Variants in PLXNC1 observed in about 807,000 individuals in gnomAD.
PLXNC1 encodes the protein plexin C1.
PLXNC1 carries 75 observed loss-of-function variants against 178.2 expected under a neutral mutation model. The observed-to-expected ratio is 0.42, with a 90% CI of 0.35 to 0.51. PLXNC1 has a LOEUF of 0.51. Among genes scored for constraint, PLXNC1 ranks in the 20% least tolerant of loss-of-function variants. The probability of loss-of-function intolerance (pLI) is 0.02; values close to 1 mark genes in which losing one functional copy is unlikely to be tolerated. For synonymous variants in PLXNC1, 790 were observed against 779.9 expected (o/e 1.01, Z -0.22); for missense variants, 1,503 against 1,984.4 (o/e 0.76, Z 4.61).
At chr12:94,212,779 G>A (rs1168443465) in intron 5 of PLXNC1, among the ~76,000 whole-genome samples, 4 of 150,510 alleles carry the variant, frequency 2.7e-5, no homozygotes, top group African/African-American at 7.3e-5. Flanking sequence ...GAGTGCAGTG[G>A]CACGATCTTG....
chr12:94,295,412 G>C (rs1178586707), intron 24 of PLXNC1, among the ~76,000 whole-genome samples: 1 of 152,206 alleles, frequency 6.6e-6, no homozygotes, highest in African/African-American at 2.4e-5. Flanking sequence ...TGGTGTCTTT[G>C]TGTTGAAAAG....
chr12:94,260,624 A>G lies in PLXNC1; in HGVS notation c.3252-18A>G. 2 of 1,600,138 alleles carry G rather than the reference A, an allele frequency of 1.2e-6. No individual in the cohort carries two copies. Among genetic ancestry groups the G allele is most frequent in the Non-Finnish European group, 1.7e-6 (2 of 1,169,666 alleles). ...TAGGCCTGCAGCCAATGGTTCACCC[A>G]GCTCTCTTTTTCAACAGGTGTCTGT... On this transcript the variant is annotated intron_variant, in intron 19 of 30. Coordinates refer to ENST00000258526, the MANE Select transcript of PLXNC1 (RefSeq NM_005761.3). This position sits in a 1 kb window ranked among gnomAD's most constrained non-coding sequence, Gnocchi z 4.4.
intron 27 of PLXNC1, 108 bp from the exon 28 acceptor site, chr12:94,300,802 T>C (rs1315618958): frequency 7.2e-6 from 7 of 977,258 alleles, no homozygotes; most frequent in Non-Finnish European, 1.1e-5. Context: ...AGCAGAGTTG[T>C]ATACTTCAAT....
chr12:94,266,039 G>A (rs112876452), intron 21 of PLXNC1, among the ~76,000 whole-genome samples: 3 of 152,282 alleles, frequency 2.0e-5, no homozygotes, highest in African/African-American at 7.2e-5. Flanking sequence ...AAGATTCTGG[G>A]CTTCTTCACG....
intron 1 of PLXNC1, among the ~76,000 whole-genome samples, chr12:94,154,362 A>G (rs975021040): frequency 1.3e-5 from 2 of 152,212 alleles, no homozygotes; most frequent in African/African-American, 4.8e-5. Flanking sequence ...AAGGAGCCCT[A>G]CCCTATTACT....
intron 9 of PLXNC1, among the ~76,000 whole-genome samples, chr12:94,234,736 C>T (rs952331860): frequency 6.6e-6 from 1 of 152,194 alleles, no homozygotes; most frequent in Admixed American, 6.5e-5. Flanking sequence ...TTATGTTTTA[C>T]AATTAACTCC....
chr12:94,188,736 TCAGTCTTTCAGC>T (rs1231892217), intron 4 of PLXNC1, among the ~76,000 whole-genome samples: 2 of 152,308 alleles, frequency 1.3e-5, no homozygotes, highest in South Asian at 4.1e-4. Flanking sequence ...TGTGGAGTGT[TCAGTCTTTCAGC>T]AGGTGGAAGA....
At chr12:94,217,079 C>T (rs1963666757) in intron 5 of PLXNC1, among the ~76,000 whole-genome samples, 1 of 152,332 alleles carries the variant, frequency 6.6e-6, no homozygotes, top group African/African-American at 2.4e-5. Context: ...AGGTCCACTC[C>T]AACCTGGTTT....
intron 4 of PLXNC1, among the ~76,000 whole-genome samples, chr12:94,204,533 C>T (rs950228111): frequency 1.2e-4 from 18 of 152,350 alleles, no homozygotes; most frequent in African/African-American, 4.3e-4. Context: ...TGAGCTTTCC[C>T]AGCAAGTTAT....
At chr12:94,212,146 C>T (rs934563858) in intron 5 of PLXNC1, among the ~76,000 whole-genome samples, 2 of 151,432 alleles carry the variant, frequency 1.3e-5, no homozygotes, top group Admixed American at 6.6e-5. Context: ...TGGTGGCGGG[C>T]GCCTGTAGTC....
chr12:94,268,921 G>T (rs541751475), intron 21 of PLXNC1, among the ~76,000 whole-genome samples: 1 of 151,992 alleles, frequency 6.6e-6, no homozygotes, highest in South Asian at 2.1e-4. Flanking sequence ...GCTCTGCTGG[G>T]TTTTTTTCCC....
intron 23 of PLXNC1, chr12:94,282,785 A>C: frequency 5.7e-6 from 1 of 175,808 alleles, no homozygotes; most frequent in Non-Finnish European, 1.2e-5. Context: ...CCTCCACAAC[A>C]TTCACAGTAG....
chr12:94,280,267 A>G (rs891399254), intron 22 of PLXNC1: 1 of 166,854 alleles, frequency 6.0e-6, no homozygotes, highest in Non-Finnish European at 1.3e-5. Context: ...ATGTTCATCA[A>G]CATTTTAAAG....
chr12:94,305,477 C>T lies in PLXNC1; in HGVS notation c.*192C>T, dbSNP rs1053257739. On this transcript the variant is annotated 3_prime_UTR_variant, in exon 31 of 31. Coordinates refer to ENST00000258526, the MANE Select transcript of PLXNC1 (RefSeq NM_005761.3). The stretch of plus-strand genomic sequence containing the variant: ...CCAACCCTTGTGCCTGTGTGTATAC[C>T]GTGGGAACCCTTCTGTAAATAGAGT... The T allele has an allele frequency of 2.5e-5, 13 of 518,890 alleles. No individual in the cohort carries two copies. Among genetic ancestry groups the T allele is most frequent in the Non-Finnish European group, 3.8e-5 (11 of 291,112 alleles). 32.1% of individuals were successfully genotyped at this position (518,890 alleles called of 1,614,324 possible).
chr12:94,174,172 G>A (rs1473205909), intron 2 of PLXNC1, among the ~76,000 whole-genome samples: 1 of 152,016 alleles, frequency 6.6e-6, no homozygotes, highest in Non-Finnish European at 1.5e-5. Context: ...CCACTTAATG[G>A]CTTTCTTTTG....
At chr12:94,234,639 T>C (rs1287239808) in intron 9 of PLXNC1, among the ~76,000 whole-genome samples, 1 of 152,210 alleles carries the variant, frequency 6.6e-6, no homozygotes, top group African/African-American at 2.4e-5. Flanking sequence ...GTATTTTGAT[T>C]TGAATACATA....
At chr12:94,150,193 C>T (rs1370244963) in intron 1 of PLXNC1, among the ~76,000 whole-genome samples, 160 bp downstream of exon 1, 2 of 152,184 alleles carry the variant, frequency 1.3e-5, no homozygotes, top group Non-Finnish European at 2.9e-5. Flanking sequence ...TCCGAAGGCT[C>T]CTCTCGGACG....
rs1964967190 is a variant in PLXNC1 at position 94,260,578 on chromosome 12, A to G, written c.3252-64A>G. On this transcript the variant is annotated intron_variant, in intron 19 of 30. Transcript: ENST00000258526. The surrounding 1 kb of genome is among the most constrained non-coding windows in gnomAD (Gnocchi z 4.4). Reference sequence around the variant, plus strand: ...CTGCCCTGCCAGTGAGCTTCCATGGAAACTCCCATGGGTGTCCAGCTAGGC... The same window carrying G: ...CTGCCCTGCCAGTGAGCTTCCATGGGAACTCCCATGGGTGTCCAGCTAGGC... 1.6e-6 allele frequency: 2 copies of G among 1,233,730 alleles called. No homozygotes were observed. Among genetic ancestry groups the G allele is most frequent in the East Asian group, 2.4e-5 (1 of 41,884 alleles). 76.4% of individuals were successfully genotyped at this position (1,233,730 alleles called of 1,614,324 possible).
At chr12:94,178,479 C>T (rs910845143) in intron 2 of PLXNC1, among the ~76,000 whole-genome samples, 3 of 152,134 alleles carry the variant, frequency 2.0e-5, no homozygotes, top group Non-Finnish European at 2.9e-5. Flanking sequence ...AAACTGGCTT[C>T]CTGTTTCTCT....
Sources: allele counts gnomAD v4.1 joint callset (sites outside exome capture counted in the v4.1 genomes callset), GRCh38; gene constraint gnomAD v4.1.1; non-coding constraint Gnocchi (gnomAD v3.1); transcripts MANE v1.5; gene names NCBI Gene and HGNC (gene_info 2026-07-23, HGNC 2026-07-21).